The following DLGAP2 variants were observed in gnomAD, a reference collection of about 807,000 sequenced individuals.
DLGAP2 encodes DLG associated protein 2.
In DLGAP2, 26 loss-of-function variants were observed where a neutral mutation model predicts 100.3. The ratio of observed to expected loss-of-function variants is 0.26; its 90% CI spans 0.19 to 0.36. The LOEUF is 0.36. Among genes scored for constraint, DLGAP2 ranks in the 10% least tolerant of loss-of-function variants. The pLI is 1.00. For missense variants in DLGAP2, 1,858 were observed against 1,453.2 expected, an observed-to-expected ratio of 1.28 and a Z score of -4.53; for synonymous variants, 886 against 630.1, an observed-to-expected ratio of 1.41 and a Z score of -6.08.
chr8:1,373,011 T>G (rs1176113329), intron 3 of DLGAP2, among the ~76,000 whole-genome samples: 2 of 152,150 alleles, frequency 1.3e-5, no homozygotes, highest in Non-Finnish European at 2.9e-5. Flanking sequence ...GTTTCGCTCA[T>G]AGTTGAGCCG....
intron 3 of DLGAP2, among the ~76,000 whole-genome samples, chr8:1,466,360 C>T (rs1043338369): frequency 5.3e-5 from 8 of 152,126 alleles, no homozygotes; most frequent in East Asian, 3.9e-4. Context: ...GTGGCTGCCG[C>T]AGGAGACATT....
In DLGAP2 at chr8:1,627,977, A is replaced by C. The variant is rs535901148; in HGVS notation, c.1590+1090A>C. Among the ~76,000 whole-genome samples the C allele has an allele frequency of 2.0e-3, 278 of 140,572 alleles. 1 individual carries two copies. Among genetic ancestry groups the C allele is most frequent in the Non-Finnish European group, 3.7e-3 (247 of 66,164 alleles). 92.2% of individuals were successfully genotyped at this position (140,572 alleles called of 152,430 possible). On this transcript the variant is annotated intron_variant, in intron 7 of 14. Transcript: ENST00000637795. Reference sequence around the variant, plus strand: ...GCTGACCTCACATTCTCTCTGACTTACTGTGGAGCAGGGATTAAGAGCTTG... The same window carrying C: ...GCTGACCTCACATTCTCTCTGACTTCCTGTGGAGCAGGGATTAAGAGCTTG...
chr8:1,667,556 C>T (rs537077289), intron 8 of DLGAP2, among the ~76,000 whole-genome samples: 9 of 152,266 alleles, frequency 5.9e-5, no homozygotes, highest in South Asian at 2.1e-4. Flanking sequence ...ATATTTTCTC[C>T]GTTACAGAAA....
intron 2 of DLGAP2, among the ~76,000 whole-genome samples, chr8:1,082,399 A>C (rs946009682): frequency 5.9e-5 from 9 of 152,066 alleles, no homozygotes; most frequent in Admixed American, 3.3e-4. Context: ...TATTGTCTGG[A>C]TCTAGCTAAG....
intron 1 of DLGAP2, among the ~76,000 whole-genome samples, chr8:763,682 A>G (rs1585837505): frequency 6.6e-6 from 1 of 152,118 alleles, no homozygotes; most frequent in African/African-American, 2.4e-5. Context: ...AGGGCAGCAC[A>G]CCTCACCGGG....
intron 2 of DLGAP2, among the ~76,000 whole-genome samples, chr8:921,197 C>CT (rs1043451572): frequency 1.2e-4 from 19 of 152,222 alleles, no homozygotes; most frequent in African/African-American, 4.1e-4. Flanking sequence ...TTTTTTATAA[C>CT]TTTTTTTCCC....
intron 1 of DLGAP2, chr8:738,644 A>ACGCGGGCTCCTCTGCCTG (rs1393601083): frequency 1.3e-5 from 2 of 149,216 alleles, no homozygotes; most frequent in East Asian, 2.2e-4. Context: ...GGGGCGGCGG[A>ACGCGGGCTCCTCTGCCTG]CGCGGGCTCC....
intron 3 of DLGAP2, among the ~76,000 whole-genome samples, chr8:1,362,451 CGTG>C (rs1190579693): frequency 6.6e-6 from 1 of 152,074 alleles, no homozygotes; most frequent in African/African-American, 2.4e-5. Flanking sequence ...TAAGGGCTGG[CGTG>C]GTCCATGTGC....
chr8:1,678,507 T>C lies in DLGAP2; in HGVS notation c.2582T>C (p.Met861Thr), dbSNP rs1362903699. ...PAIDTVETGR[M>T]SPCRRDGSWF... ...ATCGACACGGTAGAGACTGGGAGGA[T>C]GTCTCCGTGCCGCAGGGATGGCTCG... is the stretch of plus-strand genomic sequence containing the variant. The change falls in exon 12 of 15, where the codon ATG (methionine) becomes ACG (threonine). Residue 861 changes from methionine (M) to threonine (T), a missense_variant. Physicochemically the swap from Met to Thr is moderately conservative, Grantham distance 81. Transcript: ENST00000637795. The C allele has an allele frequency of 6.2e-7, 1 of 1,611,180 alleles. No homozygotes were observed. The highest frequency in any genetic ancestry group is 1.7e-5 in the Admixed American group (1 of 59,598).
At chr8:1,690,292 G>A (rs1372399347) in intron 12 of DLGAP2, among the ~76,000 whole-genome samples, 1 of 151,696 alleles carries the variant, frequency 6.6e-6, no homozygotes, top group South Asian at 2.1e-4. Context: ...GGAGGTGGAG[G>A]CTGCAGTGAG....
chr8:1,097,146 C>T (rs113850230), intron 2 of DLGAP2, among the ~76,000 whole-genome samples: 1 of 49,468 alleles, frequency 2.0e-5, no homozygotes, highest in African/African-American at 8.9e-5. Flanking sequence ...CTGTGGCATG[C>T]AGAGGTCCCC....
At chr8:1,533,871 T>C (rs1381689078) in intron 4 of DLGAP2, among the ~76,000 whole-genome samples, 2 of 152,190 alleles carry the variant, frequency 1.3e-5, no homozygotes, top group Non-Finnish European at 2.9e-5. Context: ...GTGGGAGGAT[T>C]GCTTGAGCGG....
chr8:1,167,378 C>T (rs1797037750), intron 2 of DLGAP2, among the ~76,000 whole-genome samples: 2 of 152,170 alleles, frequency 1.3e-5, no homozygotes, highest in Admixed American at 6.5e-5. Context: ...AGTTGCTAAG[C>T]AGGAAGAAAA....
intron 5 of DLGAP2, among the ~76,000 whole-genome samples, chr8:1,565,104 C>G (rs1199448039): frequency 2.0e-5 from 3 of 152,206 alleles, no homozygotes; most frequent in African/African-American, 7.2e-5. Context: ...CTGTAACAGG[C>G]AGACATATTC....
intron 2 of DLGAP2, among the ~76,000 whole-genome samples, chr8:932,000 C>T (rs568027387): frequency 6.6e-6 from 1 of 152,092 alleles, no homozygotes; most frequent in Non-Finnish European, 1.5e-5. Context: ...GTTAATCTTT[C>T]TTTTATTTGA....
chr8:1,507,872 G>T (rs1584966095), intron 4 of DLGAP2, among the ~76,000 whole-genome samples: 1 of 130,666 alleles, frequency 7.7e-6, no homozygotes, highest in African/African-American at 3.5e-5. Context: ...GGGAGGTTCA[G>T]GCTTCAGCCT....
chr8:1,564,830 G>T (rs1469032126), intron 5 of DLGAP2, among the ~76,000 whole-genome samples: 1 of 144,652 alleles, frequency 6.9e-6, no homozygotes, highest in Non-Finnish European at 1.5e-5. Context: ...CAGATATATT[G>T]CATGCACAGG....
chr8:1,105,900 A>G (rs1227566983), intron 2 of DLGAP2, among the ~76,000 whole-genome samples: 2 of 135,044 alleles, frequency 1.5e-5, no homozygotes, highest in Non-Finnish European at 3.1e-5. Context: ...GGGCCATTCT[A>G]GGAGGGTTTT....
intron 2 of DLGAP2, among the ~76,000 whole-genome samples, chr8:1,208,146 G>A (rs1317496970): frequency 6.6e-6 from 1 of 152,194 alleles, no homozygotes; most frequent in African/African-American, 2.4e-5. Flanking sequence ...CTAAGCCAAT[G>A]TCTAGAAGGG....
Sources: gnomAD v4.1 joint callset for allele counts (sites outside exome capture counted in the v4.1 genomes callset) on GRCh38, gnomAD v4.1.1 for gene constraint, MANE v1.5 for transcripts, NCBI Gene and HGNC (gene_info 2026-07-23, HGNC 2026-07-21) for gene names.